Variants in TSKS observed in about 807,000 individuals in gnomAD.
TSKS encodes testis specific serine kinase substrate.
TSKS carries 27 observed loss-of-function variants against 68.0 expected under a neutral mutation model. That is an observed-to-expected ratio of 0.40 (90% confidence interval 0.29 to 0.55). The LOEUF is 0.55. Ranked by LOEUF, TSKS falls within the 20% of genes least tolerant of loss-of-function variation. The pLI is 0.53. For missense variants in TSKS, 806 were observed against 776.0 expected (o/e 1.04, Z -0.46); for synonymous variants, 331 against 340.4 (o/e 0.97, Z 0.30).
In TSKS at chr19:49,746,186, AAAAC is replaced by A. The variant is rs531311460; in HGVS notation, c.992+280_992+283del. 1.4e-4 allele frequency among the ~76,000 whole-genome samples: 21 copies of A among 151,750 alleles called. No homozygotes were observed. The South Asian group carries it at 2.4e-3, about 17-fold the overall frequency. On this transcript the variant is annotated intron_variant, in intron 6 of 10. Transcript: ENST00000246801. ...CGACAAGCGAGACTCCGCCTCAAAA[AAAAC>A]AAAACAAAACAAAAAACGATCTTTG... is the stretch of plus-strand genomic sequence containing the variant.
chr19:49,740,361 A>G, intron 9 of TSKS, 178 bp from the exon 10 acceptor site: 5 of 706,312 alleles, frequency 7.1e-6, no homozygotes, highest in Non-Finnish European at 9.2e-6. Flanking sequence ...ACTGGTCTCC[A>G]GATTCCGCTG....
At chr19:49,759,647 CAAA>C (rs58074826) in intron 2 of TSKS, among the ~76,000 whole-genome samples, 1 of 112,664 alleles carries the variant, frequency 8.9e-6, no homozygotes, top group Non-Finnish European at 1.9e-5. Context: ...GACCCAGTCT[CAAA>C]AAAAAAAAAA....
chr19:49,741,697 C>T (rs2084253601), intron 9 of TSKS, among the ~76,000 whole-genome samples, 188 bp downstream of exon 9: 1 of 152,188 alleles, frequency 6.6e-6, no homozygotes, highest in Admixed American at 6.5e-5. Context: ...GCCTGTGACT[C>T]ACTCACCACC....
At chr19:49,761,968 C>T (rs369896288) in intron 2 of TSKS, 36 bp downstream of exon 2, 16 of 1,546,976 alleles carry the variant, frequency 1.0e-5, no homozygotes, top group South Asian at 2.3e-5. Context: ...TGGAGGACCT[C>T]GGTCCTCCCC....
At chr19:49,760,136 T>C (rs2084428661) in intron 2 of TSKS, among the ~76,000 whole-genome samples, 1 of 151,572 alleles carries the variant, frequency 6.6e-6, no homozygotes, top group Non-Finnish European at 1.5e-5. Flanking sequence ...GGCTACAGAG[T>C]GAGACTCCAT....
chr19:49,749,880 T>C (rs2084334525), intron 2 of TSKS, among the ~76,000 whole-genome samples: 3 of 151,986 alleles, frequency 2.0e-5, no homozygotes, highest in African/African-American at 7.2e-5. Flanking sequence ...TAAGTGTTGG[T>C]CTTACAAGCA....
At position 49,749,349 on chromosome 19, in the gene TSKS, G is replaced by A. The variant is rs193101336; in HGVS notation, c.400-880C>T. Among the ~76,000 whole-genome samples the A allele has an allele frequency of 1.6e-3, 237 of 152,256 alleles. 1 individual carries two copies. Among genetic ancestry groups the A allele is most frequent in the Middle Eastern group, 3.4e-3 (1 of 294 alleles). On this transcript the variant is annotated intron_variant, in intron 2 of 10. Coordinates refer to ENST00000246801, the MANE Select transcript of TSKS (RefSeq NM_021733.2). ...TCTCATCAGAATCTAGATTCAGAAC[G>A]CTTGTTTTAAACCATGACACCATGT... is the stretch of plus-strand genomic sequence containing the variant.
chr19:49,741,806 A>T, intron 9 of TSKS, 79 bp downstream of exon 9: 2 of 1,595,910 alleles, frequency 1.3e-6, no homozygotes, highest in Non-Finnish European at 1.7e-6. Context: ...CACCAGCAGT[A>T]CCCTTGAGTC....
At chr19:49,747,177 C>T (rs2084310155) in intron 5 of TSKS, 2 of 1,536,444 alleles carry the variant, frequency 1.3e-6, no homozygotes, top group Non-Finnish European at 1.7e-6. Context: ...CTTTCTGGGA[C>T]CTGAATGTGA....
intron 1 of TSKS, among the ~76,000 whole-genome samples, chr19:49,762,711 G>A (rs1238257651): frequency 6.6e-6 from 1 of 151,420 alleles, no homozygotes; most frequent in Admixed American, 6.6e-5. Flanking sequence ...ACAGGCGTGA[G>A]CCACCGTGCC....
chr19:49,745,842 G>A (rs2084294049), intron 6 of TSKS, among the ~76,000 whole-genome samples: 1 of 152,100 alleles, frequency 6.6e-6, no homozygotes, highest in Non-Finnish European at 1.5e-5. Flanking sequence ...CACTGCCTTC[G>A]GGGCACTCCC....
intron 2 of TSKS, among the ~76,000 whole-genome samples, chr19:49,757,890 CTTTTT>C (rs745890038): frequency 1.5e-5 from 2 of 130,172 alleles, no homozygotes; most frequent in African/African-American, 2.9e-5. Context: ...TCTCTGTCTT[CTTTTT>C]TTTTTTTTTT....
intron 5 of TSKS, 122 bp from the exon 6 acceptor site, chr19:49,746,920 T>A (rs958092582): frequency 6.7e-7 from 1 of 1,490,384 alleles, no homozygotes; most frequent in Non-Finnish European, 8.9e-7. Context: ...GGGGACAGTA[T>A]GTTGGAAGTC....
rs773561271 is a variant in TSKS at position 49,742,027 on chromosome 19, G to T, written c.1362-7C>A. 3 of 1,613,448 alleles carry T rather than the reference G, an allele frequency of 1.9e-6. No homozygotes were observed. Among genetic ancestry groups the T allele is most frequent in the Admixed American group, 3.3e-5 (2 of 60,000 alleles). ...AGACAACTGCGACCCCTGGCTGGGG[G>T]AGGGGCGGTCACCAGATAAAGAGGC... On this transcript the variant is annotated splice_polypyrimidine_tract_variant and splice_region_variant and intron_variant, in intron 8 of 10. Coordinates refer to ENST00000246801, the MANE Select transcript of TSKS (RefSeq NM_021733.2).
intron 2 of TSKS, among the ~76,000 whole-genome samples, chr19:49,761,768 A>G (rs1208777554): frequency 6.6e-6 from 1 of 152,086 alleles, no homozygotes; most frequent in Non-Finnish European, 1.5e-5. Context: ...GTTTGAGACC[A>G]TCTTGGGCAA....
chr19:49,749,072 A>G (rs2084327211), intron 2 of TSKS, among the ~76,000 whole-genome samples: 1 of 152,190 alleles, frequency 6.6e-6, no homozygotes, highest in African/African-American at 2.4e-5. Flanking sequence ...AAAGAAAAAA[A>G]AAAGTCCTTG....
At chr19:49,762,425 CTTTT>C (rs34463626) in intron 1 of TSKS, among the ~76,000 whole-genome samples, 193 bp from the exon 2 acceptor site, 3 of 127,208 alleles carry the variant, frequency 2.4e-5, no homozygotes, top group Non-Finnish European at 5.1e-5. Context: ...TTCTTTCTTT[CTTTT>C]TTTTTTTTTT....
intron 2 of TSKS, among the ~76,000 whole-genome samples, chr19:49,752,885 C>T (rs757265765): frequency 3.9e-5 from 6 of 152,120 alleles, no homozygotes; most frequent in Admixed American, 2.6e-4. Context: ...AACCTTGAAA[C>T]GCTGCACAAG....
chr19:49,740,299 G>A (rs1409854089), intron 9 of TSKS, 116 bp from the exon 10 acceptor site: 15 of 1,306,104 alleles, frequency 1.1e-5, no homozygotes, highest in African/African-American at 1.5e-5. Flanking sequence ...TTCTCCCTCA[G>A]AGTTTCCCAT....
Sources: allele counts gnomAD v4.1 joint callset (sites outside exome capture counted in the v4.1 genomes callset), GRCh38; gene constraint gnomAD v4.1.1; transcripts MANE v1.5; gene names NCBI Gene and HGNC (gene_info 2026-07-23, HGNC 2026-07-21).